The following RNF130 variants were observed in gnomAD, a reference collection of about 807,000 sequenced individuals.
RNF130 encodes ring finger protein 130, also known as E3 ubiquitin-protein ligase RNF130.
RNF130 carries 21 observed loss-of-function variants against 44.6 expected under a neutral mutation model. That is an observed-to-expected ratio of 0.47 (90% CI 0.33 to 0.68). The LOEUF (loss-of-function observed/expected upper bound fraction) is 0.68, where lower values mean the gene tolerates loss of function less well. RNF130 is among the 30% of genes least tolerant of loss of function. RNF130 has a pLI of 0.02. For synonymous variants in RNF130, 214 were observed against 210.4 expected, an observed-to-expected ratio of 1.02 and a Z score of -0.15; for missense variants, 479 against 560.6, an observed-to-expected ratio of 0.85 and a Z score of 1.47.
In RNF130 at chr5:180,026,271, A is replaced by T. The variant is rs115014404; in HGVS notation, c.443-12960T>A. Among the ~76,000 whole-genome samples, 1,416 of 152,366 alleles carry T rather than the reference A, an allele frequency of 9.3e-3. 16 individuals carry two copies. The highest frequency in any genetic ancestry group is 0.028 in the African/African-American group (1,182 of 41,592). On this transcript the variant is annotated intron_variant, in intron 2 of 8. Coordinates refer to ENST00000521389, the MANE Select transcript of RNF130 (RefSeq NM_018434.6). ...GAATGTCCACAAAATTCTTACAGACATACAGATAAAACTACAGCTAATTCT... is the reference window on the plus strand; with the variant it reads ...GAATGTCCACAAAATTCTTACAGACTTACAGATAAAACTACAGCTAATTCT...
At chr5:180,012,540 G>A (rs960302331) in intron 3 of RNF130, among the ~76,000 whole-genome samples, 1 of 152,102 alleles carries the variant, frequency 6.6e-6, no homozygotes, top group Non-Finnish European at 1.5e-5. Flanking sequence ...CTCCTAGGAT[G>A]ACTACATAGA....
At chr5:179,942,326 A>AAT (rs1358017099) in intron 7 of RNF130, among the ~76,000 whole-genome samples, 5 of 151,944 alleles carry the variant, frequency 3.3e-5, no homozygotes, top group Non-Finnish European at 7.4e-5. Flanking sequence ...GGACTGATTC[A>AAT]ATATACAATG....
At chr5:180,043,146 C>T (rs948748197) in intron 1 of RNF130, among the ~76,000 whole-genome samples, 1 of 151,982 alleles carries the variant, frequency 6.6e-6, no homozygotes, top group Non-Finnish European at 1.5e-5. Flanking sequence ...GTAAGACCCT[C>T]ATCTCTACAC....
intron 2 of RNF130, among the ~76,000 whole-genome samples, chr5:180,025,655 A>G (rs1313894577): frequency 1.3e-5 from 2 of 152,248 alleles, no homozygotes; most frequent in Admixed American, 6.5e-5. Context: ...AAATGTATGA[A>G]CCAGATGGAA....
intron 7 of RNF130, among the ~76,000 whole-genome samples, chr5:179,930,556 T>TA: frequency 6.6e-6 from 1 of 152,342 alleles, no homozygotes; most frequent in African/African-American, 2.4e-5. Context: ...CATATGGTAA[T>TA]GGCTAACACT....
rs1761676208 is a variant in RNF130 at position 179,924,297 on chromosome 5, A to G, written c.1151-3871T>C. 2.0e-5 allele frequency among the ~76,000 whole-genome samples: 3 copies of G among 149,150 alleles called. No individual in the cohort carries two copies. In the South Asian group the frequency reaches 6.4e-4, roughly 32 times the overall value. ...GATCACCTGAGGTTGGGAGTGCGAG[A>G]CCAGCCTGACCAACATGGAGAAACC... On this transcript the variant is annotated intron_variant, in intron 7 of 7. Coordinates refer to the RNF130 transcript ENST00000522208.
chr5:179,973,716 G>A (rs1762641041), intron 5 of RNF130, among the ~76,000 whole-genome samples: 1 of 152,146 alleles, frequency 6.6e-6, no homozygotes, highest in Admixed American at 6.5e-5. Flanking sequence ...AGAGGCACCT[G>A]GGGCAAGTAG....
At chr5:180,065,105 C>A (rs1288958882) in intron 1 of RNF130, among the ~76,000 whole-genome samples, 1 of 151,368 alleles carries the variant, frequency 6.6e-6, no homozygotes, top group Non-Finnish European at 1.5e-5. Flanking sequence ...GCTTGGAATT[C>A]ATTTTGTTCT....
At chr5:179,918,285 T>C (rs932239062) in exon 8 of RNF130, 1 of 152,220 alleles carries the variant, frequency 6.6e-6, no homozygotes, top group Non-Finnish European at 1.5e-5. Context: ...AATAGACAGA[T>C]TCTAGGGGCC....
chr5:180,014,150 C>A (rs1299618622), intron 2 of RNF130, among the ~76,000 whole-genome samples: 17 of 152,214 alleles, frequency 1.1e-4, no homozygotes, highest in Non-Finnish European at 5.9e-5. Context: ...AAGTTAATTA[C>A]GAGGACAGTC....
chr5:179,977,296 GA>G lies in RNF130; in HGVS notation c.848+906del, dbSNP rs904033863. Reference sequence around the variant, plus strand: ...TTCCATTTTGCATAATCCAGGTTTAGAAAAAGATTTAATCCAAGTCCCTGGA... The same window carrying G: ...TTCCATTTTGCATAATCCAGGTTTAGAAAAGATTTAATCCAAGTCCCTGGA... On this transcript the variant is annotated intron_variant, in intron 5 of 8. Transcript: ENST00000521389. This position sits in a 1 kb window ranked among gnomAD's most constrained non-coding sequence, Gnocchi z 4.1. 6.6e-6 allele frequency: 1 copy of G among 152,296 alleles called. No homozygotes were observed. The highest frequency in any genetic ancestry group is 2.4e-5 in the African/African-American group (1 of 41,454). 9.4% of individuals were successfully genotyped at this position (152,296 alleles called of 1,614,324 possible). A position where few individuals can be genotyped will look rare whatever the true frequency, so the allele number is the denominator to read the frequency against.
At chr5:180,057,303 C>G (rs543441922) in intron 1 of RNF130, among the ~76,000 whole-genome samples, 12 of 152,216 alleles carry the variant, frequency 7.9e-5, no homozygotes, top group Non-Finnish European at 1.3e-4. Context: ...AATCCCAGCA[C>G]TTTGGGAGGC....
At chr5:180,032,097 G>A (rs1764143007) in intron 2 of RNF130, among the ~76,000 whole-genome samples, 1 of 152,096 alleles carries the variant, frequency 6.6e-6, no homozygotes, top group African/African-American at 2.4e-5. Flanking sequence ...TATATATTCT[G>A]GATGCAAGTC....
intron 1 of RNF130, among the ~76,000 whole-genome samples, chr5:180,065,770 A>C (rs1386081308): frequency 6.7e-6 from 1 of 149,964 alleles, no homozygotes; most frequent in Non-Finnish European, 1.5e-5. Flanking sequence ...AAAAAAAAAA[A>C]AACAACTATG....
chr5:180,016,122 G>C (rs539610656), intron 2 of RNF130, among the ~76,000 whole-genome samples: 343 of 152,020 alleles, frequency 2.3e-3, no homozygotes, highest in African/African-American at 8.0e-3. Context: ...TCGGGCAGGA[G>C]GACAGCAGAA....
chr5:179,963,429 G>C, intron 8 of RNF130, 42 bp downstream of exon 8: 2 of 1,476,988 alleles, frequency 1.4e-6, no homozygotes, highest in African/African-American at 1.4e-5. Flanking sequence ...GTTTTCCTGG[G>C]ATCATCTGGC....
At chr5:179,998,735 C>A (rs561263428) in intron 3 of RNF130, among the ~76,000 whole-genome samples, 3 of 151,496 alleles carry the variant, frequency 2.0e-5, no homozygotes, top group Admixed American at 1.3e-4. Flanking sequence ...GTCTAAAGTG[C>A]AGTTTAAACC....
intron 1 of RNF130, among the ~76,000 whole-genome samples, chr5:180,042,279 T>G (rs1764437414): frequency 6.6e-6 from 1 of 152,232 alleles, no homozygotes; most frequent in African/African-American, 2.4e-5. Flanking sequence ...GGTGAGAGAC[T>G]GCACCAAGAG....
rs1561674153 is a variant in RNF130 at position 179,970,435 on chromosome 5, T to C, written c.920A>G (p.Asn307Ser). 6.2e-7 allele frequency: 1 copy of C among 1,613,176 alleles called. No homozygotes were observed. The highest frequency in any genetic ancestry group is 1.7e-5 in the Admixed American group (1 of 59,888). Residue 307 changes from asparagine to serine, a missense_variant, in exon 6 of 9, where the codon AAT becomes AGT. Coordinates refer to ENST00000521389, the MANE Select transcript of RNF130 (RefSeq NM_018434.6). ...CACAATTCCCAGGGCCTTCAATATA[T>C]TAAGTTTGCACATAGGACAGGTACA... ...EHCTCPMCKL[N>S]ILKALGIVPN...
Sources: gnomAD v4.1 joint callset for allele counts (sites outside exome capture counted in the v4.1 genomes callset) on GRCh38, gnomAD v4.1.1 for gene constraint, Gnocchi (gnomAD v3.1) non-coding constraint, MANE v1.5 for transcripts, NCBI Gene and HGNC (gene_info 2026-07-23, HGNC 2026-07-21) for gene names.